The following MAGI2 variants were observed in gnomAD, a reference collection of about 807,000 sequenced individuals.
The protein encoded by MAGI2 is membrane associated guanylate kinase, WW and PDZ domain containing 2.
A neutral mutation model predicts 133.3 loss-of-function variants in MAGI2; 35 were observed. The observed-to-expected ratio is 0.26, with a 90% CI of 0.20 to 0.35. The LOEUF (loss-of-function observed/expected upper bound fraction) is 0.35. Ranked by LOEUF, MAGI2 falls within the 10% of genes least tolerant of loss-of-function variation. MAGI2 has a pLI of 1.00. For synonymous variants in MAGI2, 729 were observed against 710.6 expected (o/e 1.03, Z -0.41); for missense variants, 1,636 against 1,863.4 (o/e 0.88, Z 2.25).
intron 9 of MAGI2, among the ~76,000 whole-genome samples, chr7:78,298,039 T>G (rs1797465464): frequency 1.3e-5 from 2 of 151,872 alleles, no homozygotes; most frequent in Non-Finnish European, 2.9e-5. Context: ...ACAAGCAATG[T>G]CATGTTGATA....
chr7:79,238,682 C>A (rs1022637001), intron 1 of MAGI2, among the ~76,000 whole-genome samples: 1 of 152,108 alleles, frequency 6.6e-6, no homozygotes, highest in African/African-American at 2.4e-5. Flanking sequence ...TACAAAGTTT[C>A]TCTTAAATAT....
At chr7:78,373,820 G>A (rs2151274340) in intron 6 of MAGI2, among the ~76,000 whole-genome samples, 1 of 152,120 alleles carries the variant, frequency 6.6e-6, no homozygotes, top group East Asian at 1.9e-4. Context: ...CCAGTGTTTA[G>A]CTCCCACTTA....
At chr7:78,110,042 C>T (rs955295845) in intron 20 of MAGI2, among the ~76,000 whole-genome samples, 12 of 152,168 alleles carry the variant, frequency 7.9e-5, no homozygotes, top group East Asian at 1.9e-4. Flanking sequence ...AGCACTGACT[C>T]GGGAGCTTGC....
chr7:79,035,879 T>G (rs1811083551), intron 1 of MAGI2, among the ~76,000 whole-genome samples: 1 of 152,224 alleles, frequency 6.6e-6, no homozygotes, highest in South Asian at 2.1e-4. Context: ...TTTTCATTAA[T>G]TTTGGCTTTA....
intron 9 of MAGI2, among the ~76,000 whole-genome samples, chr7:78,259,355 A>ATAAC (rs966301290): frequency 6.6e-6 from 1 of 152,170 alleles, no homozygotes; most frequent in Non-Finnish European, 1.5e-5. Flanking sequence ...TATTAGCTGT[A>ATAAC]TAACTTTCCC....
intron 7 of MAGI2, among the ~76,000 whole-genome samples, chr7:78,361,909 CA>C (rs1792856974): frequency 6.6e-6 from 1 of 152,086 alleles, no homozygotes; most frequent in Non-Finnish European, 1.5e-5. Context: ...ACTTCAGAAA[CA>C]GGGAGATGAA....
At position 78,019,523 on chromosome 7, in the gene MAGI2, G is replaced by A. The variant is rs1584846949; in HGVS notation, c.4160C>T (p.Pro1387Leu). 2 of 980,194 alleles carry A rather than the reference G, an allele frequency of 2.0e-6. No homozygotes were observed. The highest frequency in any genetic ancestry group is 6.4e-5 in the Admixed American group (1 of 15,696). 60.7% of individuals were successfully genotyped at this position (980,194 alleles called of 1,614,324 possible). The change falls in exon 22 of 22, where the codon CCG (proline) becomes CTG (leucine). Residue 1387 changes from proline (P) to leucine (L), a missense_variant. Physicochemically the swap from Pro to Leu is moderately conservative, Grantham distance 98. Around this residue, in one of 5 missense-constraint regions of MAGI2, gnomAD observed 354 missense variants for 298.7 expected, o/e 1.19. Transcript: ENST00000354212. ...GCCGCCGCCCGGGCCGGCAAACGCC[G>A]GCGCAGCCCCCGGGCCTTCGCGCCG... Reference protein sequence around the residue: ...LCRREGPGAAPAFAGPGGGGS... With the variant: ...LCRREGPGAALAFAGPGGGGS...
chr7:78,268,152 T>C (rs796303983), intron 9 of MAGI2, among the ~76,000 whole-genome samples: 15 of 152,216 alleles, frequency 9.9e-5, no homozygotes, highest in African/African-American at 3.6e-4. Flanking sequence ...AATTTCTTGC[T>C]TTTTAAACTA....
chr7:79,115,146 T>G (rs1359532484), intron 1 of MAGI2, among the ~76,000 whole-genome samples: 1 of 152,114 alleles, frequency 6.6e-6, no homozygotes, highest in African/African-American at 2.4e-5. Flanking sequence ...TCCTGAAATG[T>G]TCATGACCTT....
intron 2 of MAGI2, among the ~76,000 whole-genome samples, chr7:78,909,167 A>T (rs1329659279): frequency 1.3e-5 from 2 of 151,814 alleles, no homozygotes; most frequent in Non-Finnish European, 2.9e-5. Flanking sequence ...ATGAACAGAC[A>T]CTTCTCAAAA....
chr7:78,940,004 CTA>C (rs908674887), intron 2 of MAGI2: 4 of 152,208 alleles, frequency 2.6e-5, no homozygotes, highest in African/African-American at 9.6e-5. Context: ...AGGAGAGACT[CTA>C]TGTCTTCTTT....
intron 4 of MAGI2, among the ~76,000 whole-genome samples, chr7:78,506,650 C>G (rs1158308295): frequency 6.6e-6 from 1 of 152,124 alleles, no homozygotes; most frequent in Non-Finnish European, 1.5e-5. Flanking sequence ...TAACTGTGGC[C>G]AAAGCTTCTG....
chr7:78,458,843 C>A (rs972652926), intron 6 of MAGI2, among the ~76,000 whole-genome samples: 1 of 152,098 alleles, frequency 6.6e-6, no homozygotes, highest in African/African-American at 2.4e-5. Context: ...TCCGTGTTAG[C>A]CAGGATGGTC....
At chr7:78,672,297 C>A (rs1814488566) in intron 2 of MAGI2, among the ~76,000 whole-genome samples, 1 of 152,096 alleles carries the variant, frequency 6.6e-6, no homozygotes, top group Non-Finnish European at 1.5e-5. Flanking sequence ...CCCTCTCTTG[C>A]CATAAGACAT....
chr7:78,221,310 C>T (rs957071369), intron 10 of MAGI2, among the ~76,000 whole-genome samples: 1 of 152,216 alleles, frequency 6.6e-6, no homozygotes, highest in Non-Finnish European at 1.5e-5. Flanking sequence ...TGTTGTCCAA[C>T]TTTTCCATTT....
intron 2 of MAGI2, among the ~76,000 whole-genome samples, chr7:78,920,935 C>G (rs1202282481): frequency 6.6e-6 from 1 of 152,168 alleles, no homozygotes; most frequent in Non-Finnish European, 1.5e-5. Context: ...TCTACTGTCA[C>G]ACAACTTCTC....
At chr7:78,952,242 G>T (rs1182144522) in intron 2 of MAGI2, among the ~76,000 whole-genome samples, 1 of 152,084 alleles carries the variant, frequency 6.6e-6, no homozygotes, top group African/African-American at 2.4e-5. Flanking sequence ...GTTTGAGGGT[G>T]GGGTCATTGT....
At position 78,160,044 on chromosome 7, in the gene MAGI2, A is replaced by T; in HGVS notation, c.2826T>A (p.Pro942=). 6.3e-7 allele frequency: 1 copy of T among 1,584,784 alleles called. No homozygotes were observed. Among genetic ancestry groups the T allele is most frequent in the Non-Finnish European group, 8.6e-7 (1 of 1,162,386 alleles). The change falls in exon 16 of 22, where the codon CCT becomes CCA. Residue 942 remains proline (P), a synonymous_variant. Coordinates refer to ENST00000354212, the MANE Select transcript of MAGI2 (RefSeq NM_012301.4). ...GFVIISSLNR[P]ESGSTITVPH... ...ACTTACTTATAGTGGATCCAGACTC[A>T]GGCCTGTTCAGGGAGCTGATGATGA...
intron 9 of MAGI2, among the ~76,000 whole-genome samples, chr7:78,296,429 CACAG>C (rs1797250006): frequency 6.6e-6 from 1 of 152,278 alleles, no homozygotes; most frequent in Non-Finnish European, 1.5e-5. Context: ...GCCCTGCCCT[CACAG>C]ACATTTCTTG....
Sources: gnomAD v4.1 joint callset for allele counts (sites outside exome capture counted in the v4.1 genomes callset) on GRCh38, gnomAD v4.1.1 for gene constraint, gnomAD v4.1.1 regional missense constraint, MANE v1.5 for transcripts, NCBI Gene and HGNC (gene_info 2026-07-23, HGNC 2026-07-21) for gene names.